Variants in DGKG observed in about 807,000 individuals in gnomAD.
The protein encoded by DGKG is diacylglycerol kinase gamma.
Under a neutral mutation model 105.3 loss-of-function variants are expected in DGKG, and 78 were observed. That is an observed-to-expected ratio of 0.74 (90% CI 0.62 to 0.89). The LOEUF (loss-of-function observed/expected upper bound fraction) is 0.89, where lower values mean the gene tolerates loss of function less well. DGKG is among the 40% of genes least tolerant of loss of function. The pLI is 0.00. For missense variants in DGKG, 958 were observed against 1,020.1 expected, an observed-to-expected ratio of 0.94 and a Z score of 0.83; for synonymous variants, 346 against 367.1, an observed-to-expected ratio of 0.94 and a Z score of 0.66.
intron 1 of DGKG, among the ~76,000 whole-genome samples, chr3:186,329,116 C>T (rs190325800): frequency 8.5e-5 from 13 of 152,250 alleles, no homozygotes; most frequent in African/African-American, 2.9e-4. Context: ...ATTACCACCC[C>T]AAGCATCTTT....
At chr3:186,199,218 G>A (rs1468519977) in intron 21 of DGKG, among the ~76,000 whole-genome samples, 2 of 151,854 alleles carry the variant, frequency 1.3e-5, no homozygotes, top group Non-Finnish European at 2.9e-5. Flanking sequence ...CAAAGTGCTG[G>A]GATTACAGGC....
chr3:186,318,707 A>C (rs1256707691), intron 2 of DGKG, among the ~76,000 whole-genome samples: 1 of 152,134 alleles, frequency 6.6e-6, no homozygotes, highest in African/African-American at 2.4e-5. Context: ...CAAGCCAAAA[A>C]CACAGCCCTG....
chr3:186,246,316 T>C (rs1720938248), intron 19 of DGKG, among the ~76,000 whole-genome samples: 1 of 152,242 alleles, frequency 6.6e-6, no homozygotes, highest in Non-Finnish European at 1.5e-5. Flanking sequence ...CAATAAGCCT[T>C]GAATATTATC....
chr3:186,296,363 G>T (rs1267151064), intron 5 of DGKG, among the ~76,000 whole-genome samples: 1 of 152,176 alleles, frequency 6.6e-6, no homozygotes, highest in African/African-American at 2.4e-5. Context: ...AGGCATCCTG[G>T]CTCCTTAAGC....
rs559842290 is a variant in DGKG at position 186,184,455 on chromosome 3, A to T, written c.2095+3747T>A. On this transcript the variant is annotated intron_variant, in intron 22 of 24. Coordinates refer to ENST00000265022, the MANE Select transcript of DGKG (RefSeq NM_001346.3). ...GAAAGACTAATCTTTGATGGAGTGCAGTGGTGTGATCTCAGCTCACTGCAA... is the reference window on the plus strand; with the variant it reads ...GAAAGACTAATCTTTGATGGAGTGCTGTGGTGTGATCTCAGCTCACTGCAA... 2.0e-5 allele frequency among the ~76,000 whole-genome samples: 3 copies of T among 152,236 alleles called. No homozygotes were observed. The South Asian group carries it at 6.2e-4, about 32-fold the overall frequency.
At chr3:186,207,918 G>A (rs921862181) in intron 21 of DGKG, among the ~76,000 whole-genome samples, 10 of 152,232 alleles carry the variant, frequency 6.6e-5, no homozygotes, top group Non-Finnish European at 1.5e-5. Context: ...CTTTTGTCCA[G>A]TTGGCCCAGT....
intron 1 of DGKG, among the ~76,000 whole-genome samples, chr3:186,332,467 G>A (rs756858688): frequency 6.6e-6 from 1 of 152,106 alleles, no homozygotes; most frequent in Non-Finnish European, 1.5e-5. Flanking sequence ...AAGGGATTGT[G>A]AGTAGAGGTC....
intron 1 of DGKG, among the ~76,000 whole-genome samples, chr3:186,325,437 A>G (rs1254893600): frequency 6.6e-6 from 1 of 152,174 alleles, no homozygotes; most frequent in Non-Finnish European, 1.5e-5. Flanking sequence ...TCAAGTAGAA[A>G]GTTTCTAGTA....
chr3:186,335,765 T>C (rs773644211), intron 1 of DGKG, among the ~76,000 whole-genome samples: 1 of 151,808 alleles, frequency 6.6e-6, no homozygotes. Flanking sequence ...AAAGCAACTA[T>C]GGACAGTAAT....
At chr3:186,352,090 C>T (rs187113739) in intron 1 of DGKG, among the ~76,000 whole-genome samples, 203 of 152,232 alleles carry the variant, frequency 1.3e-3, no homozygotes, top group African/African-American at 4.0e-3. Flanking sequence ...CTCCCCACTC[C>T]CCCCAGGCAA....
intron 22 of DGKG, among the ~76,000 whole-genome samples, chr3:186,174,581 T>C (rs1338195917): frequency 6.6e-6 from 1 of 152,154 alleles, no homozygotes; most frequent in Non-Finnish European, 1.5e-5. Context: ...TTCCTTTTTT[T>C]TCTTTTTACT....
intron 19 of DGKG, among the ~76,000 whole-genome samples, chr3:186,245,147 G>A (rs1020987775): frequency 6.6e-6 from 1 of 152,098 alleles, no homozygotes; most frequent in African/African-American, 2.4e-5. Flanking sequence ...ATGTGTACAG[G>A]CCCCCTCCTT....
Position 186,320,619 on chromosome 3 carries a change from C to G in DGKG, c.-160G>C. On this transcript the variant is annotated 5_prime_UTR_variant, in exon 2 of 25. Transcript: ENST00000265022. ...AAGTGTATACAGCAGCAGCAGGCAC[C>G]TCTCAGAAGATGAGACAAGATCTCT... 1 of 1,213,154 alleles carries G rather than the reference C, an allele frequency of 8.2e-7. No individual in the cohort carries two copies. The highest frequency in any genetic ancestry group is 1.1e-6 in the Non-Finnish European group (1 of 893,608). The allele number at this position is 1,213,154 out of a possible 1,614,324, so 75.1% of individuals were successfully genotyped here.
Position 186,284,719 on chromosome 3 carries a change from A to T in DGKG, c.545-10T>A. On this transcript the variant is annotated splice_polypyrimidine_tract_variant and intron_variant, in intron 6 of 24. Coordinates refer to ENST00000265022, the MANE Select transcript of DGKG (RefSeq NM_001346.3). This position sits in a 1 kb window ranked among gnomAD's most constrained non-coding sequence, Gnocchi z 4.0. ...TAGAGGCGAAACATGACTGTAAGAA[A>T]CACAGAGGTAAGCCTTGAGGTGTCC... is the stretch of plus-strand genomic sequence containing the variant. 1 of 1,613,668 alleles carries T rather than the reference A, an allele frequency of 6.2e-7. No individual in the cohort carries two copies. Among genetic ancestry groups the T allele is most frequent in the Non-Finnish European group, 8.5e-7 (1 of 1,179,610 alleles).
chr3:186,192,324 C>T (rs1469702254), intron 21 of DGKG, among the ~76,000 whole-genome samples: 1 of 152,126 alleles, frequency 6.6e-6, no homozygotes, highest in Non-Finnish European at 1.5e-5. Flanking sequence ...TTTCTTTTAT[C>T]CTTATCACCC....
intron 1 of DGKG, among the ~76,000 whole-genome samples, chr3:186,323,476 A>G (rs1725177685): frequency 6.6e-6 from 1 of 152,208 alleles, no homozygotes; most frequent in South Asian, 2.1e-4. Context: ...GAGGAGAAAG[A>G]AGGAGCCACT....
At chr3:186,302,371 T>C (rs2108619100) in intron 3 of DGKG, among the ~76,000 whole-genome samples, 1 of 151,054 alleles carries the variant, frequency 6.6e-6, no homozygotes, top group South Asian at 2.1e-4. Flanking sequence ...ATGGGATCCA[T>C]TCAGTCTATG....
intron 1 of DGKG, among the ~76,000 whole-genome samples, chr3:186,344,559 A>T (rs1320417419): frequency 6.6e-6 from 1 of 152,152 alleles, no homozygotes; most frequent in African/African-American, 2.4e-5. Flanking sequence ...TATGAACACA[A>T]AGAAGGAAAC....
At chr3:186,212,285 G>C (rs1406637414) in intron 20 of DGKG, among the ~76,000 whole-genome samples, 4 of 152,138 alleles carry the variant, frequency 2.6e-5, no homozygotes, top group Non-Finnish European at 5.9e-5. Context: ...GGGTATGTTT[G>C]GGGTGTAAAG....
Sources: gnomAD v4.1 joint callset for allele counts (sites outside exome capture counted in the v4.1 genomes callset) on GRCh38, gnomAD v4.1.1 for gene constraint, Gnocchi (gnomAD v3.1) non-coding constraint, MANE v1.5 for transcripts, NCBI Gene and HGNC (gene_info 2026-07-23, HGNC 2026-07-21) for gene names.